Variants in PLIN3 observed in about 807,000 individuals in gnomAD.
PLIN3 encodes perilipin-3.
A neutral mutation model predicts 35.9 loss-of-function variants in PLIN3; 30 were observed. The observed-to-expected ratio is 0.84, with a 90% CI of 0.62 to 1.13. The LOEUF is 1.13. PLIN3 is among the 50% of genes most tolerant of loss of function. The pLI is 0.00. For missense variants in PLIN3, 603 were observed against 596.9 expected (o/e 1.01, Z -0.11); for synonymous variants, 261 against 262.5 (o/e 0.99, Z 0.06).
intron 1 of PLIN3, among the ~76,000 whole-genome samples, chr19:4,862,450 T>C (rs1431543789): frequency 1.3e-5 from 2 of 152,070 alleles, no homozygotes; most frequent in African/African-American, 4.8e-5. Flanking sequence ...CTTGCTATGT[T>C]GCCCAGGCTG....
intron 1 of PLIN3, among the ~76,000 whole-genome samples, chr19:4,863,694 C>T (rs138588890): frequency 6.7e-6 from 1 of 149,942 alleles, no homozygotes; most frequent in African/African-American, 2.4e-5. Flanking sequence ...TGGTGCACGC[C>T]TCCATGTTTA....
intron 6 of PLIN3, among the ~76,000 whole-genome samples, chr19:4,845,877 C>CT (rs2030075371): frequency 1.4e-5 from 2 of 139,594 alleles, no homozygotes; most frequent in African/African-American, 5.4e-5. Context: ...TGAGCAGAGA[C>CT]TGCATGCCAC....
chr19:4,859,670 C>T lies in PLIN3; in HGVS notation c.268G>A (p.Ala90Thr). The change falls in exon 4 of 8, where the codon GCA becomes ACA. Residue 90 changes from alanine to threonine, a missense_variant and splice_region_variant. Ala to Thr is a moderately conservative substitution (Grantham distance 58). Transcript: ENST00000221957. ...CTGTGGGCGTATTCGCTGGCTGATG[C>T]AACTGCCAACAACAATTAAGACGCA... ...PILSKLEPQIASASEYAHRGL... is the reference protein window; with the variant it reads ...PILSKLEPQITSASEYAHRGL... 6.2e-7 allele frequency: 1 copy of T among 1,614,024 alleles called. No individual in the cohort carries two copies. The highest frequency in any genetic ancestry group is 8.5e-7 in the Non-Finnish European group (1 of 1,179,896).
chr19:4,859,600 G>A lies in PLIN3; in HGVS notation c.338C>T (p.Pro113Leu), dbSNP rs1349541310. The A allele has an allele frequency of 6.2e-7, 1 of 1,614,052 alleles. No homozygotes were observed. The highest frequency in any genetic ancestry group is 8.5e-7 in the Non-Finnish European group (1 of 1,179,940). Residue 113 changes from proline to leucine, a missense_variant, in exon 4 of 8, where the codon CCC (proline) becomes CTC (leucine). Coordinates refer to ENST00000221957, the MANE Select transcript of PLIN3 (RefSeq NM_005817.5). ...GACGGACATCGTTACCTTCTCCGTG[G>A]GCTGCTGCAGGATGGGGAGGTTCTC... ...LEENLPILQQ[P>L]TEKVLADTKE...
intron 5 of PLIN3, among the ~76,000 whole-genome samples, chr19:4,849,270 G>C (rs2030206988): frequency 6.6e-6 from 1 of 151,734 alleles, no homozygotes; most frequent in South Asian, 2.1e-4. Context: ...ATTGCACCTG[G>C]CTTCCTGTAC....
Sources: allele counts gnomAD v4.1 joint callset (sites outside exome capture counted in the v4.1 genomes callset), GRCh38; gene constraint gnomAD v4.1.1; transcripts MANE v1.5; gene names NCBI Gene and HGNC (gene_info 2026-07-23, HGNC 2026-07-21).